Variants in MRAP2 observed in about 807,000 individuals in gnomAD.
MRAP2 encodes the protein melanocortin 2 receptor accessory protein 2, also known as melanocortin-2 receptor accessory protein 2.
In MRAP2, 20 loss-of-function variants were observed where a neutral mutation model predicts 17.4. The ratio of observed to expected loss-of-function variants is 1.15; its 90% CI spans 0.81 to 1.67. The LOEUF (loss-of-function observed/expected upper bound fraction) is 1.67. Ranked by LOEUF, MRAP2 falls within the 40% of genes most tolerant of loss-of-function variation. The pLI is 0.00. For synonymous variants in MRAP2, 96 were observed against 88.4 expected, an observed-to-expected ratio of 1.09 and a Z score of -0.48; for missense variants, 238 against 240.0, an observed-to-expected ratio of 0.99 and a Z score of 0.05.
chr6:84,064,939 C>A (rs917474660), intron 3 of MRAP2, among the ~76,000 whole-genome samples: 4 of 152,172 alleles, frequency 2.6e-5, no homozygotes, highest in African/African-American at 9.7e-5. Context: ...GCAAAGGGAA[C>A]AGTTCTTGCC....
intron 2 of MRAP2, among the ~76,000 whole-genome samples, chr6:84,060,455 A>G (rs2099492823): frequency 6.6e-6 from 1 of 152,210 alleles, no homozygotes; most frequent in Admixed American, 6.5e-5. Context: ...TAATACACAG[A>G]TTTGAAAAAT....
At chr6:84,103,090 G>A in the MRAP2 span, among the ~76,000 whole-genome samples, 1 of 152,222 alleles carries the variant, frequency 6.6e-6, no homozygotes, top group Non-Finnish European at 1.5e-5. Context: ...ATGCTTCAAA[G>A]TTTAAAACTG....
In MRAP2 at chr6:84,042,258, A is replaced by G. The variant is rs111875376; in HGVS notation, c.-8+8375A>G. Among the ~76,000 whole-genome samples, 975 of 152,230 alleles carry G rather than the reference A, an allele frequency of 6.4e-3. 15 individuals are homozygous for G. The highest frequency in any genetic ancestry group is 0.022 in the African/African-American group (912 of 41,530). ...AGTTTCCTGAGGCCTTCTTAGCCAT[A>G]TTGAACTGTGAATCAATTAAACCTC... On this transcript the variant is annotated intron_variant, in intron 1 of 3. Coordinates refer to ENST00000257776, the MANE Select transcript of MRAP2 (RefSeq NM_138409.4).
At chr6:84,064,733 C>T (rs566559482) in intron 3 of MRAP2, among the ~76,000 whole-genome samples, 15 of 152,232 alleles carry the variant, frequency 9.9e-5, no homozygotes, top group South Asian at 4.1e-4. Flanking sequence ...GTGATCCGCC[C>T]GCCTTGGCCT....
the MRAP2 span, among the ~76,000 whole-genome samples, chr6:84,104,089 A>G: frequency 2.6e-5 from 4 of 152,222 alleles, no homozygotes; most frequent in Admixed American, 2.0e-4. Context: ...TAAAGCAGGT[A>G]TACATGGGAA....
At chr6:84,064,085 T>C (rs2129168033) in intron 3 of MRAP2, among the ~76,000 whole-genome samples, 1 of 150,964 alleles carries the variant, frequency 6.6e-6, no homozygotes, top group African/African-American at 2.4e-5. Flanking sequence ...AAAGGGGCTG[T>C]GCGGAAGTTA....
the MRAP2 span, among the ~76,000 whole-genome samples, chr6:84,128,540 G>A: frequency 1.1e-4 from 17 of 151,936 alleles, no homozygotes; most frequent in African/African-American, 4.1e-4. Flanking sequence ...TATGGTGGTC[G>A]GTAAGCCACC....
the MRAP2 span, among the ~76,000 whole-genome samples, chr6:84,108,858 T>G: frequency 2.0e-5 from 3 of 152,302 alleles, no homozygotes; most frequent in South Asian, 6.2e-4. Flanking sequence ...ATATATGGTG[T>G]AAGGAAGGGG....
At chr6:84,145,461 T>C in the MRAP2 span, among the ~76,000 whole-genome samples, 1 of 152,146 alleles carries the variant, frequency 6.6e-6, no homozygotes, top group African/African-American at 2.4e-5. Flanking sequence ...TTGGTCTTAT[T>C]GTGATTATCT....
the MRAP2 span, among the ~76,000 whole-genome samples, chr6:84,097,472 A>G: frequency 6.6e-6 from 1 of 152,166 alleles, no homozygotes; most frequent in Non-Finnish European, 1.5e-5. Context: ...AGAGGGATTC[A>G]AATTATCTCA....
At chr6:84,103,475 C>T in the MRAP2 span, among the ~76,000 whole-genome samples, 9 of 152,198 alleles carry the variant, frequency 5.9e-5, no homozygotes, top group African/African-American at 1.9e-4. Flanking sequence ...TGATAATGAG[C>T]AAAATAGGTA....
chr6:84,098,999 T>C, the MRAP2 span, among the ~76,000 whole-genome samples: 1 of 152,020 alleles, frequency 6.6e-6, no homozygotes, highest in Non-Finnish European at 1.5e-5. Context: ...GCTTTTAGTG[T>C]CATATGAAAG....
chr6:84,056,147 AC>A (rs1331319166), intron 2 of MRAP2, among the ~76,000 whole-genome samples: 5 of 152,086 alleles, frequency 3.3e-5, no homozygotes, highest in African/African-American at 9.7e-5. Context: ...TGTCTTGGTA[AC>A]CCCGTAAATA....
At chr6:84,139,824 AG>A in the MRAP2 span, among the ~76,000 whole-genome samples, 1 of 150,384 alleles carries the variant, frequency 6.6e-6, no homozygotes, top group African/African-American at 2.5e-5. Flanking sequence ...CTCCTTGAAA[AG>A]GTCATTGTTT....
intron 1 of MRAP2, among the ~76,000 whole-genome samples, chr6:84,037,964 C>T (rs1296036833): frequency 3.3e-5 from 5 of 152,174 alleles, no homozygotes; most frequent in East Asian, 1.9e-4. Context: ...TGAGAGTGAG[C>T]GAGGGCTGCT....
chr6:84,047,500 A>G (rs1050764519), intron 1 of MRAP2, among the ~76,000 whole-genome samples: 8 of 152,038 alleles, frequency 5.3e-5, no homozygotes, highest in Admixed American at 1.3e-4. Context: ...CCTAAAAAAA[A>G]AAAAACTATA....
intron 3 of MRAP2, among the ~76,000 whole-genome samples, chr6:84,082,559 C>T (rs2099499281): frequency 6.6e-6 from 1 of 152,106 alleles, no homozygotes; most frequent in South Asian, 2.1e-4. Context: ...TTCTTTTTAA[C>T]CTTCCTTACC....
At chr6:84,130,938 T>C in the MRAP2 span, among the ~76,000 whole-genome samples, 1,149 of 152,336 alleles carry the variant, frequency 7.5e-3, 15 homozygotes, top group African/African-American at 0.027. Context: ...GTTCTATTAA[T>C]TGTGATGTTA....
rs758625941 is a variant in MRAP2, at chr6:84,062,945, G to GT, written c.186dup (p.Val63CysfsTer40). 9 of 1,614,038 alleles carry GT rather than the reference G, an allele frequency of 5.6e-6. No individual in the cohort carries two copies. Among genetic ancestry groups the GT allele is most frequent in the Admixed American group, 1.7e-5 (1 of 60,000 alleles). ...GTCTTGCAGTCTTCGTGATTTTTAT[G>GT]TTTTTTGTGCTGACCTTGCTGACCA... On this transcript the variant is annotated frameshift_variant, in exon 3 of 4. Coordinates refer to ENST00000257776, the MANE Select transcript of MRAP2 (RefSeq NM_138409.4). LOFTEE classifies it high-confidence loss of function.
Sources: allele counts gnomAD v4.1 joint callset (sites outside exome capture counted in the v4.1 genomes callset), GRCh38; gene constraint gnomAD v4.1.1; transcripts MANE v1.5; gene names NCBI Gene and HGNC (gene_info 2026-07-23, HGNC 2026-07-21).